Variants in ZFYVE26 observed in about 807,000 individuals in gnomAD.
ZFYVE26 encodes zinc finger FYVE domain-containing protein 26.
A neutral mutation model predicts 276.5 loss-of-function variants in ZFYVE26; 181 were observed. That is an observed-to-expected ratio of 0.65 (90% CI 0.58 to 0.74). The LOEUF is 0.74. Ranked by LOEUF, ZFYVE26 falls within the 30% of genes least tolerant of loss-of-function variation. The probability of loss-of-function intolerance (pLI) is 0.00; values close to 1 mark genes in which losing one functional copy is unlikely to be tolerated. For missense variants in ZFYVE26, 2,821 were observed against 3,097.9 expected, an observed-to-expected ratio of 0.91 and a Z score of 2.12; for synonymous variants, 1,129 against 1,203.1, an observed-to-expected ratio of 0.94 and a Z score of 1.27.
Position 67,778,208 on chromosome 14 carries a change from A to G in ZFYVE26, c.4715T>C (p.Ile1572Thr), listed in dbSNP as rs1312575776. The G allele has an allele frequency of 6.2e-7, 1 of 1,614,174 alleles. No individual in the cohort carries two copies. The highest frequency in any genetic ancestry group is 1.7e-5 in the Admixed American group (1 of 60,012). Residue 1572 changes from isoleucine (I) to threonine (T), a missense_variant, in exon 24 of 42, where the codon ATT (isoleucine) becomes ACT (threonine). Physicochemically the swap from Ile to Thr is moderately conservative, Grantham distance 89. Coordinates refer to ENST00000347230, the MANE Select transcript of ZFYVE26 (RefSeq NM_015346.4). Reference protein sequence around the residue: ...LCEEWGCLYPIPREHLISLHQ... With the variant: ...LCEEWGCLYPTPREHLISLHQ... ...AAGGCTGATTAAATGTTCTCTTGGA[A>G]TGGGGTACAGGCAGCCCCACTCTTC...
At chr14:67,806,896 A>G (rs2040192105) in intron 5 of ZFYVE26, among the ~76,000 whole-genome samples, 1 of 152,038 alleles carries the variant, frequency 6.6e-6, no homozygotes, top group Non-Finnish European at 1.5e-5. Flanking sequence ...TTTTCCTCCC[A>G]ACACCTCTAT....
chr14:67,733,825 C>T, intron 13 of ZFYVE26: 1 of 1,612,986 alleles, frequency 6.2e-7, no homozygotes, highest in South Asian at 1.1e-5. Flanking sequence ...CAGCTGTGAG[C>T]TTCTAGGAAT....
At chr14:67,798,929 C>T in intron 10 of ZFYVE26, 1 of 1,063,860 alleles carries the variant, frequency 9.4e-7, no homozygotes, top group Non-Finnish European at 1.4e-6. Flanking sequence ...CTCCGCTTGG[C>T]GCCTCTGATC....
At chr14:67,778,049 A>C in intron 24 of ZFYVE26, 77 bp downstream of exon 24, 1 of 1,594,214 alleles carries the variant, frequency 6.3e-7, no homozygotes, top group Non-Finnish European at 8.6e-7. Flanking sequence ...GGGATTCAAC[A>C]TGAAAATAAA....
rs1358951552 is a variant in ZFYVE26, at chr14:67,735,961, G to A, written n.2680-6142C>T. ...CTTGGCCCTTGTCCAACTCAACTTCGTATACAATGTTGCCATGCGTCCCAA... is the reference window on the plus strand; with the variant it reads ...CTTGGCCCTTGTCCAACTCAACTTCATATACAATGTTGCCATGCGTCCCAA... On this transcript the variant is annotated intron_variant and non_coding_transcript_variant, in intron 13 of 14. Transcript: ENST00000394455. 3.3e-5 allele frequency among the ~76,000 whole-genome samples: 5 copies of A among 152,158 alleles called. No homozygotes were observed. In the East Asian group the frequency reaches 9.6e-4, roughly 29 times the overall value.
chr14:67,783,972 A>G (rs1470341949), intron 20 of ZFYVE26, among the ~76,000 whole-genome samples: 1 of 152,224 alleles, frequency 6.6e-6, no homozygotes, highest in African/African-American at 2.4e-5. Context: ...TTTAATAAAT[A>G]TTGACAAACT....
chr14:67,769,458 G>T, intron 29 of ZFYVE26, 136 bp downstream of exon 29: 1 of 1,333,752 alleles, frequency 7.5e-7, no homozygotes, highest in East Asian at 2.4e-5. Context: ...TCAGTGTAGA[G>T]TTAATGGCAT....
chr14:67,753,899 G>T, intron 38 of ZFYVE26, 133 bp from the exon 39 acceptor site: 1 of 1,475,732 alleles, frequency 6.8e-7, no homozygotes, highest in Non-Finnish European at 9.4e-7. Context: ...CCAGGCACTA[G>T]GGATATAAGA....
At position 67,815,689 on chromosome 14, in the gene ZFYVE26, G is replaced by C. The variant is rs1442431658; in HGVS notation, c.194+81C>G. 3.7e-6 allele frequency: 5 copies of C among 1,366,442 alleles called. No individual in the cohort carries two copies. The East Asian group carries it at 1.1e-4, about 31-fold the overall frequency. 84.6% of individuals were successfully genotyped at this position (1,366,442 alleles called of 1,614,324 possible). On this transcript the variant is annotated intron_variant, in intron 2 of 41. Coordinates refer to ENST00000347230, the MANE Select transcript of ZFYVE26 (RefSeq NM_015346.4). ...TTATTCTTCAGAGGGTAGTTGAGTG[G>C]GGGCACATTGACCAATGCCCAAATA...
In ZFYVE26 at chr14:67,802,165, T is replaced by G. The variant is rs1594933819; in HGVS notation, c.1553A>C (p.His518Pro). Reference protein sequence around the residue: ...IYALCVNSHQHSQCQDCKDSL... With the variant: ...IYALCVNSHQPSQCQDCKDSL... ...GTCTTTGCAGTCCTGGCACTGGGAG[T>G]GCTGGTGTGAGTTTACACAGAGGGC... Residue 518 changes from histidine to proline, a missense_variant, in exon 10 of 42, where the codon CAC becomes CCC. Transcript: ENST00000347230. 2.5e-6 allele frequency: 4 copies of G among 1,613,914 alleles called. No individual in the cohort carries two copies. Among genetic ancestry groups the G allele is most frequent in the Non-Finnish European group, 3.4e-6 (4 of 1,179,996 alleles).
At chr14:67,737,760 G>C (rs976095005) in intron 13 of ZFYVE26, among the ~76,000 whole-genome samples, 2 of 151,990 alleles carry the variant, frequency 1.3e-5, no homozygotes, top group South Asian at 4.2e-4. Flanking sequence ...TTGGGGTCTC[G>C]CTTTATTGCC....
chr14:67,791,921 G>A (rs1294234221), intron 14 of ZFYVE26, among the ~76,000 whole-genome samples: 2 of 151,878 alleles, frequency 1.3e-5, no homozygotes, highest in Non-Finnish European at 2.9e-5. Context: ...TTAGCCAGGA[G>A]TGGTGGTGTG....
chr14:67,729,581 CTTTA>C (rs2038240758), exon 14 of ZFYVE26: 4 of 648,644 alleles, frequency 6.2e-6, no homozygotes, highest in Non-Finnish European at 1.1e-5. Context: ...GCTTTTCTGG[CTTTA>C]TTTTATACTC....
At position 67,752,471 on chromosome 14, in the gene ZFYVE26, T is replaced by G. The variant is rs2038674455; in HGVS notation, c.7244A>C (p.Glu2415Ala). 1.2e-6 allele frequency: 2 copies of G among 1,614,184 alleles called. No homozygotes were observed. The highest frequency in any genetic ancestry group is 8.5e-7 in the Non-Finnish European group (1 of 1,180,024). ...TYCRAARQLV[E>A]KEKYSEIQQL... ...CTGGATCTCACTGTACTTCTCTTTC[T>G]CCACCAACTGGCGGGCAGCTCTGCA... Residue 2415 changes from glutamate (E) to alanine (A), a missense_variant, in exon 40 of 42, where the codon GAG becomes GCG. Glu to Ala is a moderately radical substitution (Grantham distance 107). Coordinates refer to ENST00000347230, the MANE Select transcript of ZFYVE26 (RefSeq NM_015346.4).
At chr14:67,788,642 CGATAAGCTGATTCTT>C (rs2039722408) in intron 16 of ZFYVE26, among the ~76,000 whole-genome samples, 1 of 152,164 alleles carries the variant, frequency 6.6e-6, no homozygotes, top group Non-Finnish European at 1.5e-5. Flanking sequence ...AGCTCTATGA[CGATAAGCTGATTCTT>C]GAGAGTTCTC....
chr14:67,762,000 A>T (rs538198229), intron 34 of ZFYVE26: 35 of 597,708 alleles, frequency 5.9e-5, no homozygotes, highest in African/African-American at 3.9e-4. Context: ...TCCTTTTTTT[A>T]AAAAAAATTA....
chr14:67,777,281 C>T (rs1372088696), intron 25 of ZFYVE26, among the ~76,000 whole-genome samples: 2 of 152,178 alleles, frequency 1.3e-5, no homozygotes, highest in Non-Finnish European at 2.9e-5. Flanking sequence ...ATAAAGGCAA[C>T]TTAAGAGGAC....
chr14:67,775,580 T>A (rs1043799494), intron 26 of ZFYVE26, among the ~76,000 whole-genome samples: 4 of 152,202 alleles, frequency 2.6e-5, no homozygotes, highest in Non-Finnish European at 4.4e-5. Flanking sequence ...GCCCGCTATA[T>A]CAAGGCCAGA....
chr14:67,772,658 G>A (rs1321945234), intron 27 of ZFYVE26, among the ~76,000 whole-genome samples: 5 of 152,210 alleles, frequency 3.3e-5, no homozygotes, highest in Admixed American at 6.5e-5. Flanking sequence ...TTAAGAGGCT[G>A]GTGCAGTGGC....
Sources: gnomAD v4.1 joint callset for allele counts (sites outside exome capture counted in the v4.1 genomes callset) on GRCh38, gnomAD v4.1.1 for gene constraint, MANE v1.5 for transcripts, NCBI Gene and HGNC (gene_info 2026-07-23, HGNC 2026-07-21) for gene names.